The following FAT3 variants were observed in gnomAD, a reference collection of about 807,000 sequenced individuals.
The protein encoded by FAT3 is protocadherin Fat 3.
FAT3 carries 95 observed loss-of-function variants against 310.2 expected under a neutral mutation model. The ratio of observed to expected loss-of-function variants is 0.31; its 90% CI spans 0.26 to 0.36. FAT3 has a LOEUF of 0.36. FAT3 is among the 10% of genes least tolerant of loss of function. The pLI, the probability that FAT3 is intolerant of heterozygous loss-of-function variation, is 1.00. For synonymous variants in FAT3, 2,314 were observed against 2,192.9 expected, an observed-to-expected ratio of 1.06 and a Z score of -1.54; for missense variants, 5,408 against 5,715.6, an observed-to-expected ratio of 0.95 and a Z score of 1.74.
intron 1 of FAT3, among the ~76,000 whole-genome samples, chr11:92,239,293 C>T (rs1864568443): frequency 6.6e-6 from 1 of 152,028 alleles, no homozygotes; most frequent in Non-Finnish European, 1.5e-5. Context: ...TCATAGTGAT[C>T]CTATAGTGAT....
At chr11:92,365,753 G>A (rs373564473) in intron 2 of FAT3, among the ~76,000 whole-genome samples, 48 of 152,308 alleles carry the variant, frequency 3.2e-4, no homozygotes, top group African/African-American at 1.1e-3. Flanking sequence ...TTGAAACAAG[G>A]TGGGGGAGAG....
At chr11:92,564,763 G>A (rs892593536) in intron 3 of FAT3, among the ~76,000 whole-genome samples, 2 of 149,688 alleles carry the variant, frequency 1.3e-5, no homozygotes, top group African/African-American at 4.9e-5. Context: ...CATGGAAACT[G>A]AACAACCTGC....
chr11:92,240,577 A>G (rs536135605), intron 1 of FAT3, among the ~76,000 whole-genome samples: 2 of 96,376 alleles, frequency 2.1e-5, no homozygotes, highest in South Asian at 5.5e-4. Context: ...AAACCCCCCC[A>G]AAAAAAAAAA....
At chr11:92,855,642 T>G (rs906451848) in intron 19 of FAT3, among the ~76,000 whole-genome samples, 1 of 152,200 alleles carries the variant, frequency 6.6e-6, no homozygotes, top group Admixed American at 6.5e-5. Context: ...GAATATTGAT[T>G]AATACATGGC....
intron 2 of FAT3, among the ~76,000 whole-genome samples, chr11:92,431,063 C>G (rs944972071): frequency 1.3e-5 from 2 of 152,148 alleles, no homozygotes; most frequent in African/African-American, 2.4e-5. Context: ...ATTTCTAGTT[C>G]TAGATCCCTG....
chr11:92,409,976 G>GAAGAAGTAAAT (rs1326827452), intron 2 of FAT3, among the ~76,000 whole-genome samples: 2 of 151,970 alleles, frequency 1.3e-5, no homozygotes, highest in African/African-American at 2.4e-5. Flanking sequence ...TCATTTGTAA[G>GAAGAAGTAAAT]AAGAAGTAAA....
intron 3 of FAT3, among the ~76,000 whole-genome samples, chr11:92,619,797 TAA>T (rs895924365): frequency 6.6e-6 from 1 of 151,748 alleles, no homozygotes; most frequent in Admixed American, 6.6e-5. Flanking sequence ...TTGAGCTTTT[TAA>T]AAAAAACACT....
In FAT3 at chr11:92,800,222, G is replaced by T; in HGVS notation, c.7209G>T (p.Val2403=). ...VFNQLIYESY[V]SELAPRGHFV... is the part of the protein sequence containing the mutation. ...ATCAGCTCATTTATGAGTCATATGTGAGTGAATTAGCCCCCCGGGGCCATT... is the reference window on the plus strand; with the variant it reads ...ATCAGCTCATTTATGAGTCATATGTTAGTGAATTAGCCCCCCGGGGCCATT... The change falls in exon 10 of 28, where the codon GTG becomes GTT. Residue 2403 remains valine (V), a synonymous_variant. Coordinates refer to ENST00000525166, the MANE Select transcript of FAT3 (RefSeq NM_001367949.2). The T allele has an allele frequency of 9.3e-6, 15 of 1,613,968 alleles. No homozygotes were observed. Among genetic ancestry groups the T allele is most frequent in the Non-Finnish European group, 1.3e-5 (15 of 1,179,872 alleles).
chr11:92,438,903 A>G (rs556319049), intron 2 of FAT3, among the ~76,000 whole-genome samples: 1 of 152,348 alleles, frequency 6.6e-6, no homozygotes, highest in South Asian at 2.1e-4. Flanking sequence ...AGTAGATTGT[A>G]GTACCATGAA....
At chr11:92,685,164 A>T (rs1026377584) in intron 3 of FAT3, among the ~76,000 whole-genome samples, 1 of 152,250 alleles carries the variant, frequency 6.6e-6, no homozygotes, top group East Asian at 1.9e-4. Context: ...CCCTACTTAC[A>T]CATGACAGAT....
intron 3 of FAT3, among the ~76,000 whole-genome samples, chr11:92,678,642 A>G (rs1943369144): frequency 6.6e-6 from 1 of 152,138 alleles, no homozygotes; most frequent in Admixed American, 6.5e-5. Flanking sequence ...TTTTTTTAAT[A>G]GTTGGCCCCT....
intron 4 of FAT3, among the ~76,000 whole-genome samples, chr11:92,715,196 G>A (rs1387660945): frequency 3.3e-5 from 5 of 151,350 alleles, no homozygotes. Flanking sequence ...ATGAGGTCAG[G>A]AGATCGAGAC....
Position 92,797,972 on chromosome 11 carries a change from T to C in FAT3, c.4959T>C (p.Ala1653=), listed in dbSNP as rs748707568. The stretch of plus-strand genomic sequence containing the variant: ...ATCAGGGATCCCCGCCAATGTCTGC[T>C]ACTGCAATTGTGCGCATTTCCGTCA... The part of the protein sequence containing the change: ...VTDQGSPPMS[A]TAIVRISVTM... Residue 1653 remains alanine, a synonymous_variant, in exon 10 of 28, where the codon GCT becomes GCC. Transcript: ENST00000525166. The C allele has an allele frequency of 7.4e-6, 12 of 1,613,850 alleles. No individual in the cohort carries two copies. The highest frequency in any genetic ancestry group is 1.6e-4 in the Middle Eastern group (1 of 6,084).
chr11:92,602,065 T>A (rs1000965551), intron 3 of FAT3, among the ~76,000 whole-genome samples: 1 of 150,730 alleles, frequency 6.6e-6, no homozygotes, highest in African/African-American at 2.5e-5. Context: ...CTTACGTGTA[T>A]TACCTTAATT....
At chr11:92,508,786 T>C (rs1953196528) in intron 2 of FAT3, among the ~76,000 whole-genome samples, 1 of 152,132 alleles carries the variant, frequency 6.6e-6, no homozygotes, top group Non-Finnish European at 1.5e-5. Context: ...AGATACTCTT[T>C]GTGCTAAGTT....
intron 3 of FAT3, among the ~76,000 whole-genome samples, chr11:92,684,991 C>T (rs1319315970): frequency 6.6e-6 from 1 of 152,198 alleles, no homozygotes; most frequent in Admixed American, 6.5e-5. Context: ...TGTGATCCTA[C>T]AGGGCGCTTT....
intron 2 of FAT3, among the ~76,000 whole-genome samples, chr11:92,396,274 A>T (rs1410182429): frequency 6.6e-6 from 1 of 152,150 alleles, no homozygotes; most frequent in Non-Finnish European, 1.5e-5. Flanking sequence ...AGACACTTGG[A>T]GCAGCTGAGT....
At chr11:92,264,174 A>G (rs1353042648) in intron 1 of FAT3, among the ~76,000 whole-genome samples, 1 of 152,130 alleles carries the variant, frequency 6.6e-6, no homozygotes, top group East Asian at 1.9e-4. Flanking sequence ...GATATAAATG[A>G]TAAATAATAG....
intron 13 of FAT3, among the ~76,000 whole-genome samples, chr11:92,820,200 G>A (rs112516519): frequency 0.014 from 2,156 of 152,234 alleles, 51 homozygotes; most frequent in African/African-American, 0.046. Context: ...CTGGAGTCTG[G>A]GAATTTAAGT....
Sources: allele counts gnomAD v4.1 joint callset (sites outside exome capture counted in the v4.1 genomes callset), GRCh38; gene constraint gnomAD v4.1.1; transcripts MANE v1.5; gene names NCBI Gene and HGNC (gene_info 2026-07-23, HGNC 2026-07-21).